Variants in CLEC12A observed in about 807,000 individuals in gnomAD.
CLEC12A encodes C-type lectin domain family 12 member A.
Under a neutral mutation model 26.5 loss-of-function variants are expected in CLEC12A, and 22 were observed. The observed-to-expected ratio is 0.83, with a 90% CI of 0.59 to 1.19. The LOEUF (loss-of-function observed/expected upper bound fraction) is 1.19, where lower values mean the gene tolerates loss of function less well. Among genes scored for constraint, CLEC12A ranks in the 50% most tolerant of loss-of-function variants. The pLI, the probability that CLEC12A is intolerant of heterozygous loss-of-function variation, is 0.00. For missense variants in CLEC12A, 353 were observed against 315.6 expected (o/e 1.12, Z -0.90); for synonymous variants, 119 against 101.9 (o/e 1.17, Z -1.01).
downstream of CLEC12A, among the ~76,000 whole-genome samples, chr12:9,999,814 A>C (rs1865134320): frequency 6.6e-6 from 1 of 152,214 alleles, no homozygotes. Flanking sequence ...TGTGCTTTAA[A>C]GTGAGTTTCC....
chr12:9,975,933 C>T (rs142230907), intron 1 of CLEC12A, among the ~76,000 whole-genome samples: 98 of 152,296 alleles, frequency 6.4e-4, no homozygotes, highest in East Asian at 5.4e-3. Flanking sequence ...GTCATGGCTT[C>T]GGAGAGGGTG....
chr12:9,981,886 T>A, intron 4 of CLEC12A, 134 bp from the exon 5 acceptor site: 3 of 514,670 alleles, frequency 5.8e-6, no homozygotes, highest in South Asian at 5.6e-5. Flanking sequence ...CAATTTCTTA[T>A]AATGACATTT....
At chr12:9,974,053 C>G (rs927962069) in intron 1 of CLEC12A, among the ~76,000 whole-genome samples, 1 of 152,154 alleles carries the variant, frequency 6.6e-6, no homozygotes, top group African/African-American at 2.4e-5. Context: ...CTGTTCTCAA[C>G]CAACTCTATT....
At chr12:9,997,392 T>C, downstream of CLEC12A, 1 of 869,352 alleles carries the variant, frequency 1.2e-6, no homozygotes, top group Non-Finnish European at 1.7e-6. Flanking sequence ...AGGAGTTTAC[T>C]AGATACACAT....
rs2137204216 is a variant in CLEC12A, at chr12:9,983,754, T to A, written c.642-1116T>A. 1.7e-5 allele frequency: 8 copies of A among 462,556 alleles called. 1 individual carries two copies. The South Asian group carries it at 2.8e-4, about 16-fold the overall frequency. 28.7% of individuals were successfully genotyped at this position (462,556 alleles called of 1,614,324 possible). The stretch of plus-strand genomic sequence containing the variant: ...TTGTTTTGTTTTGTTTGTTTGCTTT[T>A]TCTTTCACATAGAAATAGTAAGTGT... On this transcript the variant is annotated intron_variant, in intron 5 of 5. Transcript: ENST00000304361.
exon 5 of CLEC12A, chr12:9,995,645 G>T: frequency 4.3e-6 from 1 of 231,732 alleles, no homozygotes; most frequent in South Asian, 5.2e-5. Context: ...AGCCCTACCT[G>T]CTTTGGTTTT....
chr12:9,983,454 G>A, intron 5 of CLEC12A: 2 of 683,740 alleles, frequency 2.9e-6, no homozygotes, highest in South Asian at 3.1e-5. Flanking sequence ...GCTTATAATG[G>A]GAAAAAAAGT....
downstream of CLEC12A, chr12:9,996,913 TCCCATG>T: frequency 6.2e-7 from 1 of 1,614,020 alleles, no homozygotes; most frequent in Middle Eastern, 1.6e-4. Context: ...CTTACTCTCT[TCCCATG>T]TTAAGTTGTG....
upstream of CLEC12A, among the ~76,000 whole-genome samples, chr12:9,966,684 ACTTT>A: frequency 1.3e-5 from 2 of 151,630 alleles, no homozygotes; most frequent in Non-Finnish European, 2.9e-5. Context: ...TGCTGCCTCT[ACTTT>A]ATTATTGTAC....
intron 1 of CLEC12A, among the ~76,000 whole-genome samples, chr12:9,977,941 T>C (rs1025964780): frequency 5.9e-5 from 9 of 152,100 alleles, no homozygotes; most frequent in Non-Finnish European, 1.0e-4. Context: ...AATAAGAAAA[T>C]AATTTTAAGA....
At position 9,979,409 on chromosome 12, in the gene CLEC12A, T is replaced by A. The variant is rs373305456; in HGVS notation, c.264T>A (p.Asn88Lys). 68 of 1,611,710 alleles carry A rather than the reference T, an allele frequency of 4.2e-5. No individual in the cohort carries two copies. The highest frequency in any genetic ancestry group is 1.7e-5 in the Admixed American group (1 of 59,772). The change falls in exon 3 of 6, where the codon AAT (asparagine) becomes AAA (lysine). Residue 88 changes from asparagine to lysine, a missense_variant. Transcript: ENST00000304361. ...LQNISEELQRNISLQLMSNMN... is the reference protein window; with the variant it reads ...LQNISEELQRKISLQLMSNMN... ...ACATCAGTGAAGAGCTCCAGAGAAATATTTCTCTACAACTGATGAGTAACA... is the reference window on the plus strand; with the variant it reads ...ACATCAGTGAAGAGCTCCAGAGAAAAATTTCTCTACAACTGATGAGTAACA...
At chr12:9,990,987 A>T (rs1864879627) in intron 4 of CLEC12A, 1 of 152,182 alleles carries the variant, frequency 6.6e-6, no homozygotes, top group South Asian at 2.1e-4. Flanking sequence ...AACTATGTAC[A>T]TTTTCCAGAC....
downstream of CLEC12A, among the ~76,000 whole-genome samples, chr12:9,988,199 A>G (rs1864814189): frequency 6.6e-6 from 1 of 152,130 alleles, no homozygotes; most frequent in African/African-American, 2.4e-5. Context: ...GTGGGAGATA[A>G]TTAAATCATG....
chr12:9,953,573 C>G (rs1863683634), intron 1 of CLEC12A, among the ~76,000 whole-genome samples: 1 of 149,884 alleles, frequency 6.7e-6, no homozygotes, highest in Non-Finnish European at 1.5e-5. Context: ...GCCGCCCCGT[C>G]CGGGAGGGAG....
At chr12:9,959,002 T>C (rs1863786823) in intron 1 of CLEC12A, among the ~76,000 whole-genome samples, 1 of 152,234 alleles carries the variant, frequency 6.6e-6, no homozygotes, top group Non-Finnish European at 1.5e-5. Context: ...TGGAAGACTT[T>C]GTAATTTTGA....
At chr12:9,987,807 TATTTA>T (rs199784472), downstream of CLEC12A, among the ~76,000 whole-genome samples, 884 of 152,196 alleles carry the variant, frequency 5.8e-3, 6 homozygotes, top group Non-Finnish European at 8.9e-3. Context: ...TTCTTTCTTT[TATTTA>T]TTTATTTTTT....
chr12:9,996,996 A>T (rs761690637), downstream of CLEC12A: 3 of 1,613,818 alleles, frequency 1.9e-6, no homozygotes, highest in Non-Finnish European at 2.5e-6. Flanking sequence ...TGCATTTATG[A>T]CCTTCTGGAG....
intron 4 of CLEC12A, 60 bp downstream of exon 4, chr12:9,980,793 A>C: frequency 6.5e-7 from 1 of 1,541,128 alleles, no homozygotes; most frequent in Non-Finnish European, 8.9e-7. Flanking sequence ...GTTGGAGAAG[A>C]CTTCAATCAA....
intron 5 of CLEC12A, among the ~76,000 whole-genome samples, chr12:9,983,313 G>C (rs1864635269): frequency 6.6e-6 from 1 of 151,910 alleles, no homozygotes; most frequent in Non-Finnish European, 1.5e-5. Flanking sequence ...AGCACTTCAG[G>C]TGAAAGAATA....
Sources: gnomAD v4.1 joint callset for allele counts (sites outside exome capture counted in the v4.1 genomes callset) on GRCh38, gnomAD v4.1.1 for gene constraint, MANE v1.5 for transcripts, NCBI Gene and HGNC (gene_info 2026-07-23, HGNC 2026-07-21) for gene names.